The following GPATCH8 variants were observed in gnomAD, a reference collection of about 807,000 sequenced individuals.
The protein encoded by GPATCH8 is G-patch domain containing 8.
In GPATCH8, 18 loss-of-function variants were observed where a neutral mutation model predicts 118.3. The ratio of observed to expected loss-of-function variants is 0.15; its 90% CI spans 0.11 to 0.23. GPATCH8 has a LOEUF of 0.23. Ranked by LOEUF, GPATCH8 falls within the 10% of genes least tolerant of loss-of-function variation. GPATCH8 has a pLI of 1.00. For missense variants in GPATCH8, 1,631 were observed against 1,873.8 expected (o/e 0.87, Z 2.39); for synonymous variants, 659 against 684.7 (o/e 0.96, Z 0.59).
At chr17:44,484,555 A>C (rs4793110) in intron 1 of GPATCH8, among the ~76,000 whole-genome samples, 1 of 151,804 alleles carries the variant, frequency 6.6e-6, no homozygotes, top group Non-Finnish European at 1.5e-5. Flanking sequence ...AGTAATCCCA[A>C]TGCTTTGGGA....
chr17:44,444,272 A>C (rs2050797895), intron 3 of GPATCH8, among the ~76,000 whole-genome samples: 1 of 151,960 alleles, frequency 6.6e-6, no homozygotes, highest in African/African-American at 2.4e-5. Flanking sequence ...AAAAACCTAA[A>C]GAAAATCATA....
intron 1 of GPATCH8, among the ~76,000 whole-genome samples, chr17:44,479,774 C>G (rs888261330): frequency 2.6e-5 from 4 of 152,186 alleles, no homozygotes; most frequent in Admixed American, 6.5e-5. Context: ...CGAGACCAGC[C>G]TGACCAACAT....
rs1214472834 is a variant in GPATCH8 at position 44,400,600 on chromosome 17, G to C, written c.1477C>G (p.Gln493Glu). Residue 493 changes from glutamine (Q) to glutamate (E), a missense_variant, in exon 8 of 8, where the codon CAG becomes GAG. Physicochemically the swap from Gln to Glu is conservative, Grantham distance 29. Coordinates refer to ENST00000591680, the MANE Select transcript of GPATCH8 (RefSeq NM_001002909.4). ...TTCTGACTATGACTTTCTAAACTCT[G>C]ATCACTTACATCCCCTCCTAAGGCC... ...KKALGGDVSD[Q>E]SLESHSQKVS... 1 of 1,614,072 alleles carries C rather than the reference G, an allele frequency of 6.2e-7. No homozygotes were observed. The highest frequency in any genetic ancestry group is 8.5e-7 in the Non-Finnish European group (1 of 1,179,954).
chr17:44,448,534 GAAGGAAGAA>G (rs1208584703), intron 3 of GPATCH8, among the ~76,000 whole-genome samples: 1 of 77,988 alleles, frequency 1.3e-5, no homozygotes, highest in East Asian at 3.3e-4. Flanking sequence ...GGAAGAAGAA[GAAGGAAGAA>G]GAAGAGGAAG....
rs148434401 is a variant in GPATCH8 at position 44,397,774 on chromosome 17, C to T, written c.4303G>A (p.Ala1435Thr). The T allele has an allele frequency of 1.0e-4, 165 of 1,581,472 alleles. 2 individuals are homozygous for T. The Admixed American group carries it at 1.7e-3, about 16-fold the overall frequency. The stretch of plus-strand genomic sequence containing the variant: ...GGAATGATGTGGATGGGATGGCTAG[C>T]GAGAAAGGTGGCAGGGTGGCCAGGG... ...IIPGHPATFLASHPIHIIPAS... is the reference protein window; with the variant it reads ...IIPGHPATFLTSHPIHIIPAS... The change falls in exon 8 of 8, where the codon GCT becomes ACT. Residue 1435 changes from alanine (A) to threonine (T), a missense_variant. Physicochemically the swap from Ala to Thr is moderately conservative, Grantham distance 58. Transcript: ENST00000591680.
rs1269412168 is a variant in GPATCH8 at position 44,413,695 on chromosome 17, C to CTA, written c.493-7645_493-7644insTA. ...TGCCCGGAATGCAGTGGCATGATCTCTGTAGCCTCCACCTCCTGGGTTCCA... is the reference window on the plus strand; with the variant it reads ...TGCCCGGAATGCAGTGGCATGATCTCTATGTAGCCTCCACCTCCTGGGTTCCA... On this transcript the variant is annotated intron_variant, in intron 6 of 7. Coordinates refer to ENST00000591680, the MANE Select transcript of GPATCH8 (RefSeq NM_001002909.4). Among the ~76,000 whole-genome samples the CTA allele has an allele frequency of 3.3e-5, 5 of 152,274 alleles. No homozygotes were observed. In the East Asian group the frequency reaches 9.6e-4, roughly 29 times the overall value.
intron 1 of GPATCH8, among the ~76,000 whole-genome samples, chr17:44,483,540 CGA>C (rs199867282): frequency 4.6e-5 from 7 of 151,456 alleles, no homozygotes; most frequent in East Asian, 4.0e-4. Flanking sequence ...TGAGCCACCG[CGA>C]CTGGCCGAGG....
rs145111400 is a variant in GPATCH8 at position 44,398,574 on chromosome 17, C to A, written c.3503G>T (p.Arg1168Met). The A allele has an allele frequency of 4.5e-6, 7 of 1,565,026 alleles. No homozygotes were observed. In the East Asian group the frequency reaches 6.7e-5, roughly 15 times the overall value. ...NKKCEESGLE[R>M]GEEQEQSETE... ...CTCTGACTGTTCTTGCTCTTCCCCC[C>A]TTTCCAAGCCAGACTCTTCACACTT... The change falls in exon 8 of 8, where the codon AGG becomes ATG. Residue 1168 changes from arginine to methionine, a missense_variant. Transcript: ENST00000591680.
intron 3 of GPATCH8, among the ~76,000 whole-genome samples, chr17:44,453,408 A>G (rs1008809336): frequency 2.0e-5 from 3 of 151,982 alleles, no homozygotes; most frequent in African/African-American, 7.3e-5. Flanking sequence ...TTTAAATGAG[A>G]TATTTGTTAA....
At chr17:44,434,577 CGCCTGTAATCCCA>C (rs1343509388) in intron 5 of GPATCH8, among the ~76,000 whole-genome samples, 1 of 152,108 alleles carries the variant, frequency 6.6e-6, no homozygotes, top group Non-Finnish European at 1.5e-5. Flanking sequence ...TGGTGGCTCA[CGCCTGTAATCCCA>C]GCACTTTGGG....
At chr17:44,431,341 T>C (rs2050304829) in intron 5 of GPATCH8, among the ~76,000 whole-genome samples, 1 of 125,274 alleles carries the variant, frequency 8.0e-6, no homozygotes, top group Admixed American at 1.0e-4. Flanking sequence ...GCCATTGCAC[T>C]CCAGCCTGGG....
chr17:44,436,003 T>C (rs193248067), intron 4 of GPATCH8, among the ~76,000 whole-genome samples: 20 of 112,142 alleles, frequency 1.8e-4, no homozygotes, highest in African/African-American at 6.6e-4. Flanking sequence ...CACTCTAGCC[T>C]GGGCAACAAG....
intron 1 of GPATCH8, among the ~76,000 whole-genome samples, chr17:44,480,506 G>A (rs893456840): frequency 3.3e-5 from 5 of 151,640 alleles, no homozygotes; most frequent in African/African-American, 9.7e-5. Context: ...ACCTGAGGTC[G>A]GGAGTACAAG....
chr17:44,423,891 C>T (rs2050000365), intron 6 of GPATCH8, among the ~76,000 whole-genome samples: 1 of 152,106 alleles, frequency 6.6e-6, no homozygotes, highest in African/African-American at 2.4e-5. Context: ...ATTTATCTAA[C>T]TTCCAAGGTA....
intron 1 of GPATCH8, among the ~76,000 whole-genome samples, chr17:44,493,615 C>T (rs960986654): frequency 3.3e-5 from 5 of 152,224 alleles, no homozygotes; most frequent in African/African-American, 9.6e-5. Context: ...CAGCCAGGCT[C>T]GATGGCGTGC....
At chr17:44,476,944 T>A (rs1568045964) in intron 1 of GPATCH8, among the ~76,000 whole-genome samples, 1 of 152,214 alleles carries the variant, frequency 6.6e-6, no homozygotes, top group African/African-American at 2.4e-5. Context: ...ATATCAATTT[T>A]CTGGTTCCCT....
chr17:44,470,342 C>T (rs1325786906), intron 2 of GPATCH8, among the ~76,000 whole-genome samples: 2 of 151,696 alleles, frequency 1.3e-5, no homozygotes, highest in African/African-American at 2.4e-5. Context: ...GGACTACAGG[C>T]GTGTGCCACC....
At chr17:44,427,888 T>C (rs562258909) in intron 5 of GPATCH8, among the ~76,000 whole-genome samples, 2 of 152,314 alleles carry the variant, frequency 1.3e-5, no homozygotes, top group South Asian at 2.1e-4. Context: ...TAAAGGTAAC[T>C]AGAACAACAC....
Position 44,400,781 on chromosome 17 carries a change from T to TGG in GPATCH8, c.1294_1295dup (p.Glu433GlnfsTer39). On this transcript the variant is annotated frameshift_variant, in exon 8 of 8. Transcript: ENST00000591680. LOFTEE classifies it high-confidence loss of function. ...TGGGAGAACTGCCTTTTTTACTCTC[T>TGG]GGGGCATTCTTTGGGTGTGTAGTAT... The TGG allele has an allele frequency of 6.2e-7, 1 of 1,614,134 alleles. No homozygotes were observed. Among genetic ancestry groups the TGG allele is most frequent in the Non-Finnish European group, 8.5e-7 (1 of 1,179,944 alleles).
Sources: allele counts gnomAD v4.1 joint callset (sites outside exome capture counted in the v4.1 genomes callset), GRCh38; gene constraint gnomAD v4.1.1; transcripts MANE v1.5; gene names NCBI Gene and HGNC (gene_info 2026-07-23, HGNC 2026-07-21).